The following CRYBG3 variants were observed in gnomAD, a reference collection of about 807,000 sequenced individuals.
CRYBG3 encodes very large A-kinase anchor protein.
A neutral mutation model predicts 244.2 loss-of-function variants in CRYBG3; 127 were observed. That is an observed-to-expected ratio of 0.52 (90% CI 0.45 to 0.60). The LOEUF (loss-of-function observed/expected upper bound fraction) is 0.60, where lower values mean the gene tolerates loss of function less well. Among genes scored for constraint, CRYBG3 ranks in the 20% least tolerant of loss-of-function variants. The pLI is 0.00. For missense variants in CRYBG3, 3,325 were observed against 3,442.5 expected (o/e 0.97, Z 0.85); for synonymous variants, 1,132 against 1,195.8 (o/e 0.95, Z 1.10).
chr3:97,864,952 G>A (rs899152986), intron 3 of CRYBG3, among the ~76,000 whole-genome samples: 2 of 151,968 alleles, frequency 1.3e-5, no homozygotes, highest in Non-Finnish European at 1.5e-5. Flanking sequence ...TTCAATATGT[G>A]CATTTTCGGG....
At chr3:97,854,183 C>T (rs956611256) in intron 2 of CRYBG3, among the ~76,000 whole-genome samples, 1 of 152,064 alleles carries the variant, frequency 6.6e-6, no homozygotes. Flanking sequence ...GTCAACATGC[C>T]TATCTTATAC....
intron 1 of CRYBG3, among the ~76,000 whole-genome samples, chr3:97,829,680 G>C (rs1409942679): frequency 1.3e-5 from 2 of 152,200 alleles, no homozygotes; most frequent in Admixed American, 6.5e-5. Flanking sequence ...CTTCACCTGT[G>C]TTTAAAAAGA....
At position 97,874,000 on chromosome 3, in the gene CRYBG3, C is replaced by T. The variant is rs2039338401; in HGVS notation, c.2806C>T (p.Leu936Phe). 6.5e-7 allele frequency: 1 copy of T among 1,534,364 alleles called. No homozygotes were observed. Among genetic ancestry groups the T allele is most frequent in the Non-Finnish European group, 8.7e-7 (1 of 1,146,470 alleles). ...VDALGSPPAL[L>F]KSNISWILPP... ...TGCCTTAGGCTCTCCTCCTGCTCTT[C>T]TTAAAAGTAATATATCTTGGATTTT... Residue 936 changes from leucine to phenylalanine, a missense_variant, in exon 4 of 22, where the codon CTT (leucine) becomes TTT (phenylalanine). Coordinates refer to ENST00000389622, the MANE Select transcript of CRYBG3 (RefSeq NM_153605.4).
chr3:97,933,742 G>A lies in CRYBG3; in HGVS notation c.8290G>A (p.Gly2764Arg). 6.2e-7 allele frequency: 1 copy of A among 1,612,906 alleles called. No homozygotes were observed. The highest frequency in any genetic ancestry group is 1.7e-5 in the Admixed American group (1 of 59,910). The part of the protein sequence containing the change: ...ISLFALEHCE[G>R]RELHLEEAVN... ...CCTTTTTGCTCTGGAGCATTGTGAGGGAAGAGAGTTACATCTAGAAGAGGC... is the reference window on the plus strand; with the variant it reads ...CCTTTTTGCTCTGGAGCATTGTGAGAGAAGAGAGTTACATCTAGAAGAGGC... The change falls in exon 18 of 22, where the codon GGA becomes AGA. Residue 2764 changes from glycine to arginine, a missense_variant. Physicochemically the swap from Gly to Arg is moderately radical, Grantham distance 125. This residue lies in a region of CRYBG3 where 714 missense variants were observed against 803.6 expected (regional missense o/e 0.89). Coordinates refer to ENST00000389622, the MANE Select transcript of CRYBG3 (RefSeq NM_153605.4).
At chr3:97,922,945 C>G (rs1344898842) in intron 17 of CRYBG3, among the ~76,000 whole-genome samples, 2 of 152,144 alleles carry the variant, frequency 1.3e-5, no homozygotes, top group Non-Finnish European at 2.9e-5. Flanking sequence ...ACCCGAATGT[C>G]CATCAATGAT....
At chr3:97,841,687 A>G (rs1295493901) in intron 1 of CRYBG3, among the ~76,000 whole-genome samples, 4 of 152,016 alleles carry the variant, frequency 2.6e-5, no homozygotes, top group African/African-American at 7.2e-5. Context: ...AGTGACCACT[A>G]TTCGACATCT....
In CRYBG3 at chr3:97,877,303, C is replaced by G. The variant is rs369549098; in HGVS notation, c.6109C>G (p.Leu2037Val). Residue 2037 changes from leucine to valine, a missense_variant, in exon 4 of 22, where the codon CTG (leucine) becomes GTG (valine). By Grantham distance (32) the Leu-to-Val change is conservative. Coordinates refer to ENST00000389622, the MANE Select transcript of CRYBG3 (RefSeq NM_153605.4). ...TACGTCCGCTGACAGCATGCCTGTT[C>G]TGGCATGTGAAAGGTCTGAGAGTAG... ...HDTSADSMPV[L>V]ACERSESRTD... The G allele has an allele frequency of 3.0e-5, 48 of 1,613,978 alleles. No homozygotes were observed. The highest frequency in any genetic ancestry group is 4.1e-5 in the Non-Finnish European group (48 of 1,180,020).
chr3:97,875,265 G>A lies in CRYBG3; in HGVS notation c.4071G>A (p.Glu1357=). 1 of 1,478,870 alleles carries A rather than the reference G, an allele frequency of 6.8e-7. No individual in the cohort carries two copies. Among genetic ancestry groups the A allele is most frequent in the Non-Finnish European group, 8.9e-7 (1 of 1,123,222 alleles). 91.6% of individuals were successfully genotyped at this position (1,478,870 alleles called of 1,614,324 possible). A position where few individuals can be genotyped will look rare whatever the true frequency, so the allele number is the denominator to read the frequency against. ...TTAAGCCACATGATGTAGTTAGAGA[G>A]TTCTTGGTTTCAGAACAGCCAGTAA... ...DSVKPHDVVR[E]FLVSEQPVNQ... is the part of the protein sequence containing the mutation. The change falls in exon 4 of 22, where the codon GAG becomes GAA. Residue 1357 remains glutamate, a synonymous_variant. Transcript: ENST00000389622.
chr3:97,845,083 C>A (rs1169314474), intron 2 of CRYBG3, among the ~76,000 whole-genome samples: 1 of 152,166 alleles, frequency 6.6e-6, no homozygotes, highest in African/African-American at 2.4e-5. Flanking sequence ...CCCAGTTGTT[C>A]AGGGACTGTT....
Position 97,888,465 on chromosome 3 carries a change from T to C in CRYBG3, c.7404+10T>C, listed in dbSNP as rs1236646980. 6.5e-7 allele frequency: 1 copy of C among 1,535,922 alleles called. No individual in the cohort carries two copies. The highest frequency in any genetic ancestry group is 1.4e-5 in the African/African-American group (1 of 73,484). On this transcript the variant is annotated intron_variant, in intron 9 of 21. Transcript: ENST00000389622. ...ACATCCGCTTCAAATGGTAAGCAAA[T>C]TTAAAAAGAAGCATTCCTTTTCCCA...
Position 97,875,417 on chromosome 3 carries a change from G to A in CRYBG3, c.4223G>A (p.Gly1408Glu), listed in dbSNP as rs6782766. Residue 1408 changes from glycine (G) to glutamate (E), a missense_variant, in exon 4 of 22, where the codon GGA (glycine) becomes GAA (glutamate). Physicochemically the swap from Gly to Glu is moderately conservative, Grantham distance 98 (BLOSUM62 -2). Coordinates refer to ENST00000389622, the MANE Select transcript of CRYBG3 (RefSeq NM_153605.4). ...IVLYQKSLFS[G>E]NGSGLSDSIN... ...CTCTACCAAAAATCCCTATTTTCTGGAAATGGATCTGGACTGTCTGATAGT... is the reference window on the plus strand; with the variant it reads ...CTCTACCAAAAATCCCTATTTTCTGAAAATGGATCTGGACTGTCTGATAGT... 0.5 allele frequency: 705,429 copies of A among 1,406,160 alleles called. 179,984 individuals are homozygous for A. Among genetic ancestry groups the A allele is most frequent in the East Asian group, 0.7 (26,825 of 38,372 alleles). 87.1% of individuals were successfully genotyped at this position (1,406,160 alleles called of 1,614,324 possible). A position where few individuals can be genotyped will look rare whatever the true frequency, so the allele number is the denominator to read the frequency against.
intron 15 of CRYBG3, among the ~76,000 whole-genome samples, chr3:97,908,616 C>A (rs541686500): frequency 1.3e-5 from 2 of 152,262 alleles, no homozygotes; most frequent in Admixed American, 1.3e-4. Context: ...CTTCCTCCAT[C>A]CTTTTATTTT....
intron 2 of CRYBG3, among the ~76,000 whole-genome samples, chr3:97,860,833 T>A (rs1372695778): frequency 6.6e-6 from 1 of 152,088 alleles, no homozygotes; most frequent in Non-Finnish European, 1.5e-5. Context: ...TCCATAGGGA[T>A]CTTTTGTTGT....
intron 1 of CRYBG3, among the ~76,000 whole-genome samples, chr3:97,834,646 C>CT (rs1298252626): frequency 6.6e-6 from 1 of 152,036 alleles, no homozygotes; most frequent in Non-Finnish European, 1.5e-5. Context: ...TGGCATTGTG[C>CT]TTTTTATCAG....
chr3:97,889,140 G>A (rs2039543011), intron 9 of CRYBG3, among the ~76,000 whole-genome samples: 1 of 152,068 alleles, frequency 6.6e-6, no homozygotes, highest in African/African-American at 2.4e-5. Flanking sequence ...AAGATTTCTT[G>A]CCCCATCTAC....
intron 1 of CRYBG3, among the ~76,000 whole-genome samples, chr3:97,833,391 G>T (rs1354375779): frequency 1.3e-5 from 2 of 152,098 alleles, no homozygotes; most frequent in African/African-American, 4.8e-5. Flanking sequence ...CCATAAAAAA[G>T]ATGAGTTCAT....
intron 3 of CRYBG3, among the ~76,000 whole-genome samples, chr3:97,869,318 G>C (rs2039273662): frequency 6.6e-6 from 1 of 151,988 alleles, no homozygotes; most frequent in South Asian, 2.1e-4. Context: ...AATAAAACAT[G>C]ATACATTATT....
chr3:97,848,778 G>A (rs72916328), intron 2 of CRYBG3, among the ~76,000 whole-genome samples: 10,972 of 152,260 alleles, frequency 0.072, 1,261 homozygotes, highest in African/African-American at 0.25. Flanking sequence ...GCAGTATCAT[G>A]TCAGTTTAAC....
intron 7 of CRYBG3, 70 bp downstream of exon 7, chr3:97,881,289 T>C: frequency 9.6e-7 from 1 of 1,040,694 alleles, no homozygotes; most frequent in Non-Finnish European, 1.4e-6. Flanking sequence ...TGCTGTGGCC[T>C]GGCGATGTTT....
Sources: gnomAD v4.1 joint callset for allele counts (sites outside exome capture counted in the v4.1 genomes callset) on GRCh38, gnomAD v4.1.1 for gene constraint, gnomAD v4.1.1 regional missense constraint, MANE v1.5 for transcripts, NCBI Gene and HGNC (gene_info 2026-07-23, HGNC 2026-07-21) for gene names.